The following GRM3 variants were observed in gnomAD, a reference collection of about 807,000 sequenced individuals.
GRM3 encodes metabotropic glutamate receptor 3.
GRM3 carries 26 observed loss-of-function variants against 70.5 expected under a neutral mutation model. The ratio of observed to expected loss-of-function variants is 0.37; its 90% CI spans 0.27 to 0.51. The LOEUF (loss-of-function observed/expected upper bound fraction) is 0.51, where lower values mean the gene tolerates loss of function less well. GRM3 is among the 20% of genes least tolerant of loss of function. GRM3 has a pLI of 0.93. For missense variants in GRM3, 859 were observed against 1,123.8 expected, an observed-to-expected ratio of 0.76 and a Z score of 3.37; for synonymous variants, 443 against 434.9, an observed-to-expected ratio of 1.02 and a Z score of -0.23.
intron 1 of GRM3, among the ~76,000 whole-genome samples, chr7:86,695,890 A>G (rs1457105470): frequency 6.6e-6 from 1 of 152,166 alleles, no homozygotes; most frequent in African/African-American, 2.4e-5. Context: ...CTAAGAGACA[A>G]TGATATCACT....
chr7:86,658,562 A>G (rs1562815664), intron 1 of GRM3, among the ~76,000 whole-genome samples: 1 of 152,132 alleles, frequency 6.6e-6, no homozygotes, highest in Admixed American at 6.5e-5. Context: ...ACACTTTATT[A>G]TAATTGTCTC....
At position 86,835,244 on chromosome 7, in the gene GRM3, C is replaced by T. The variant is rs1193237750; in HGVS notation, c.1325-3595C>T. Among the ~76,000 whole-genome samples, 6 of 152,006 alleles carry T rather than the reference C, an allele frequency of 3.9e-5. No individual in the cohort carries two copies. The East Asian group carries it at 1.2e-3, about 29-fold the overall frequency. ...TTATAAATTATTGTATGGTAATATACATTTTAAAAGGTGTACGATATTTTA... is the reference window on the plus strand; with the variant it reads ...TTATAAATTATTGTATGGTAATATATATTTTAAAAGGTGTACGATATTTTA... On this transcript the variant is annotated intron_variant, in intron 3 of 5. Coordinates refer to ENST00000361669, the MANE Select transcript of GRM3 (RefSeq NM_000840.3).
At chr7:86,813,274 A>T (rs1001027341) in intron 3 of GRM3, among the ~76,000 whole-genome samples, 2 of 151,820 alleles carry the variant, frequency 1.3e-5, no homozygotes, top group East Asian at 3.9e-4. Context: ...GTAATTAATT[A>T]TGTTTCTGGG....
At chr7:86,704,602 A>G (rs921905944) in intron 1 of GRM3, among the ~76,000 whole-genome samples, 4 of 151,904 alleles carry the variant, frequency 2.6e-5, no homozygotes, top group South Asian at 2.1e-4. Flanking sequence ...ATTCAACTTT[A>G]ATCGGCTCAA....
chr7:86,852,976 T>A (rs1308317723), intron 5 of GRM3, among the ~76,000 whole-genome samples: 1 of 152,160 alleles, frequency 6.6e-6, no homozygotes, highest in Non-Finnish European at 1.5e-5. Context: ...TGGAAGTATT[T>A]CATATCAAGA....
At chr7:86,820,975 CA>C (rs1035957448) in intron 3 of GRM3, among the ~76,000 whole-genome samples, 4 of 152,100 alleles carry the variant, frequency 2.6e-5, no homozygotes, top group African/African-American at 9.7e-5. Flanking sequence ...ATATGTCCTG[CA>C]GACAAATTCC....
intron 3 of GRM3, among the ~76,000 whole-genome samples, chr7:86,837,718 A>C (rs1798485727): frequency 6.6e-6 from 1 of 152,168 alleles, no homozygotes; most frequent in South Asian, 2.1e-4. Context: ...TTTGAATCAC[A>C]ATGTGAAGGA....
At chr7:86,853,277 C>T (rs950996446) in intron 5 of GRM3, among the ~76,000 whole-genome samples, 29 of 152,024 alleles carry the variant, frequency 1.9e-4, no homozygotes, top group African/African-American at 5.8e-4. Flanking sequence ...ATACCAGGTC[C>T]GGGTAAAATG....
In GRM3 at chr7:86,694,802, G is replaced by A. The variant is rs79026261; in HGVS notation, c.-141+49930G>A. ...GGAAAATTGCTAATGCCAAGACAGC[G>A]CTTATTGTTTGACAAGCAACACAAT... On this transcript the variant is annotated intron_variant, in intron 1 of 5. Coordinates refer to ENST00000361669, the MANE Select transcript of GRM3 (RefSeq NM_000840.3). Among the ~76,000 whole-genome samples the A allele has an allele frequency of 8.0e-3, 1,222 of 152,188 alleles. 20 individuals are homozygous for A. The highest frequency in any genetic ancestry group is 0.028 in the African/African-American group (1,153 of 41,518).
intron 1 of GRM3, among the ~76,000 whole-genome samples, chr7:86,702,580 C>A (rs571632583): frequency 4.1e-4 from 62 of 151,960 alleles, no homozygotes; most frequent in African/African-American, 1.5e-3. Context: ...CTCTAGAATC[C>A]CTAAAAGATC....
At chr7:86,751,355 T>C (rs1392357339) in intron 1 of GRM3, among the ~76,000 whole-genome samples, 2 of 152,118 alleles carry the variant, frequency 1.3e-5, no homozygotes, top group African/African-American at 4.8e-5. Context: ...TAGCTGTTAA[T>C]TGTTATCAGA....
chr7:86,857,758 T>A (rs1166697693), intron 5 of GRM3, among the ~76,000 whole-genome samples: 1 of 152,044 alleles, frequency 6.6e-6, no homozygotes, highest in Non-Finnish European at 1.5e-5. Flanking sequence ...TGAAAACATA[T>A]TTTGATAGAA....
chr7:86,716,064 T>C (rs1239359403), intron 1 of GRM3, among the ~76,000 whole-genome samples: 1 of 151,982 alleles, frequency 6.6e-6, no homozygotes, highest in African/African-American at 2.4e-5. Context: ...CATACCTTCT[T>C]TGCATGTAAA....
chr7:86,658,335 G>A (rs1354357383), intron 1 of GRM3, among the ~76,000 whole-genome samples: 1 of 152,184 alleles, frequency 6.6e-6, no homozygotes, highest in African/African-American at 2.4e-5. Flanking sequence ...CTGCATGTGT[G>A]TCGAGATTCA....
intron 3 of GRM3, among the ~76,000 whole-genome samples, chr7:86,836,650 C>T (rs1295568536): frequency 6.6e-6 from 1 of 152,108 alleles, no homozygotes; most frequent in African/African-American, 2.4e-5. Context: ...CCCTCCCTGT[C>T]CCTCAGTAGT....
At chr7:86,761,062 C>CAGAGATG in intron 1 of GRM3, among the ~76,000 whole-genome samples, 1 of 152,186 alleles carries the variant, frequency 6.6e-6, no homozygotes, top group East Asian at 1.9e-4. Context: ...TTCATAAAAA[C>CAGAGATG]AGAGATGCAT....
rs536128088 is a variant in GRM3 at position 86,830,416 on chromosome 7, C to T, written c.1325-8423C>T. Among the ~76,000 whole-genome samples the T allele has an allele frequency of 4.6e-5, 7 of 152,216 alleles. No individual in the cohort carries two copies. The South Asian group carries it at 6.2e-4, about 14-fold the overall frequency. ...GCCCTATAACCTCCCAAATCAACTA[C>T]GTGAATTCAAATTTAGTCTTGGGGT... On this transcript the variant is annotated intron_variant, in intron 3 of 5. Coordinates refer to ENST00000361669, the MANE Select transcript of GRM3 (RefSeq NM_000840.3).
In GRM3 at chr7:86,847,336, G is replaced by T. The variant is rs115699070; in HGVS notation, c.2392-3034G>T. 7.3e-3 allele frequency among the ~76,000 whole-genome samples: 1,116 copies of T among 152,250 alleles called. 18 individuals are homozygous for T. Among genetic ancestry groups the T allele is most frequent in the African/African-American group, 0.026 (1,067 of 41,562 alleles). ...GTGTAAAGGCAATGGTAAAGTCAAG[G>T]ATGGTCTTTGGCTTGCACACTGGGT... On this transcript the variant is annotated intron_variant, in intron 4 of 5. Transcript: ENST00000361669.
At chr7:86,781,293 G>A (rs1163905652) in intron 2 of GRM3, among the ~76,000 whole-genome samples, 1 of 152,068 alleles carries the variant, frequency 6.6e-6, no homozygotes, top group African/African-American at 2.4e-5. Context: ...TAGAGAATAG[G>A]AAAACTGAAA....
Sources: allele counts gnomAD v4.1 joint callset (sites outside exome capture counted in the v4.1 genomes callset), GRCh38; gene constraint gnomAD v4.1.1; transcripts MANE v1.5; gene names NCBI Gene and HGNC (gene_info 2026-07-23, HGNC 2026-07-21).